Variants in XKR4 observed in about 807,000 individuals in gnomAD.
The protein encoded by XKR4 is XK related 4.
A neutral mutation model predicts 53.9 loss-of-function variants in XKR4; 12 were observed. The observed-to-expected ratio is 0.22, with a 90% CI of 0.14 to 0.36. The LOEUF is 0.36. Among genes scored for constraint, XKR4 ranks in the 10% least tolerant of loss-of-function variants. The probability of loss-of-function intolerance (pLI) is 1.00; values close to 1 mark genes in which losing one functional copy is unlikely to be tolerated. For missense variants in XKR4, 799 were observed against 859.5 expected (o/e 0.93, Z 0.88); for synonymous variants, 354 against 362.4 (o/e 0.98, Z 0.26).
intron 2 of XKR4, among the ~76,000 whole-genome samples, chr8:55,368,020 G>A (rs570938994): frequency 3.3e-5 from 5 of 152,224 alleles, no homozygotes; most frequent in African/African-American, 1.2e-4. Flanking sequence ...GAGTGCAGTG[G>A]CACAATCTCG....
At chr8:55,377,472 A>T (rs1428207475) in intron 2 of XKR4, among the ~76,000 whole-genome samples, 4 of 152,232 alleles carry the variant, frequency 2.6e-5, no homozygotes, top group Non-Finnish European at 4.4e-5. Context: ...AATCCACAGT[A>T]TCTACCTTAC....
chr8:55,478,540 C>T (rs1806041180), intron 2 of XKR4, among the ~76,000 whole-genome samples: 1 of 152,084 alleles, frequency 6.6e-6, no homozygotes, highest in Non-Finnish European at 1.5e-5. Context: ...ACCAACTCCA[C>T]ACATAACAAT....
intron 1 of XKR4, among the ~76,000 whole-genome samples, chr8:55,249,671 A>G (rs897045623): frequency 7.2e-5 from 11 of 152,224 alleles, no homozygotes; most frequent in African/African-American, 2.7e-4. Flanking sequence ...AGATGCACCA[A>G]AAAATATTCA....
intron 2 of XKR4, among the ~76,000 whole-genome samples, chr8:55,479,026 A>G (rs1470409663): frequency 6.6e-6 from 1 of 152,146 alleles, no homozygotes; most frequent in Non-Finnish European, 1.5e-5. Flanking sequence ...CCAGGAATTG[A>G]ACTCAGCTCT....
At chr8:55,509,373 A>G (rs1806589289) in intron 2 of XKR4, among the ~76,000 whole-genome samples, 1 of 152,092 alleles carries the variant, frequency 6.6e-6, no homozygotes, top group Non-Finnish European at 1.5e-5. Context: ...TTCCTTTTTC[A>G]TTTCCATCTT....
chr8:55,296,124 G>A (rs1181936924), intron 1 of XKR4, among the ~76,000 whole-genome samples: 1 of 152,062 alleles, frequency 6.6e-6, no homozygotes, highest in Non-Finnish European at 1.5e-5. Context: ...CTAACATCCT[G>A]GTCACACCTC....
chr8:55,108,976 T>G (rs534881504), intron 1 of XKR4, among the ~76,000 whole-genome samples: 1 of 152,104 alleles, frequency 6.6e-6, no homozygotes, highest in Non-Finnish European at 1.5e-5. Context: ...GATGATGAGG[T>G]AGAAGAGAAG....
At chr8:55,451,441 G>A in intron 2 of XKR4, 1 of 1,220,534 alleles carries the variant, frequency 8.2e-7, no homozygotes, top group Admixed American at 2.0e-5. Flanking sequence ...GCTGACAACA[G>A]CCTGCAGGTA....
chr8:55,273,655 T>G (rs1185407079), intron 1 of XKR4, among the ~76,000 whole-genome samples: 1 of 152,158 alleles, frequency 6.6e-6, no homozygotes. Context: ...ACCCTGGAAC[T>G]GACTGAGCAC....
At chr8:55,301,658 T>C (rs1819200811) in intron 1 of XKR4, among the ~76,000 whole-genome samples, 2 of 152,138 alleles carry the variant, frequency 1.3e-5, no homozygotes, top group Non-Finnish European at 1.5e-5. Flanking sequence ...CCAGCACCTG[T>C]TGTTTCCTGA....
At chr8:55,307,184 G>C (rs958943067) in intron 1 of XKR4, among the ~76,000 whole-genome samples, 3 of 152,188 alleles carry the variant, frequency 2.0e-5, no homozygotes, top group Non-Finnish European at 4.4e-5. Context: ...GGAAGACTCT[G>C]CTAAGGGGAT....
chr8:55,454,191 G>T, intron 2 of XKR4: 2 of 1,023,984 alleles, frequency 2.0e-6, no homozygotes, highest in Non-Finnish European at 3.1e-6. Context: ...CTCTGCAGTG[G>T]CTCTAGCAAG....
At chr8:55,419,808 G>A (rs1488881639) in intron 2 of XKR4, among the ~76,000 whole-genome samples, 1 of 152,192 alleles carries the variant, frequency 6.6e-6, no homozygotes, top group African/African-American at 2.4e-5. Flanking sequence ...TGCTTACTCG[G>A]GATACTTAAG....
At chr8:55,104,666 A>T (rs2129350315) in intron 1 of XKR4, among the ~76,000 whole-genome samples, 1 of 152,296 alleles carries the variant, frequency 6.6e-6, no homozygotes, top group South Asian at 2.1e-4. Flanking sequence ...GTGACCTTCC[A>T]GATTGTGAAA....
intron 2 of XKR4, among the ~76,000 whole-genome samples, chr8:55,442,506 C>G (rs989568473): frequency 2.6e-5 from 4 of 152,182 alleles, no homozygotes; most frequent in Non-Finnish European, 5.9e-5. Context: ...GAGATTTGAA[C>G]ACATACGTTT....
chr8:55,285,929 G>T (rs1186930662), intron 1 of XKR4, among the ~76,000 whole-genome samples: 1 of 152,180 alleles, frequency 6.6e-6, no homozygotes, highest in Non-Finnish European at 1.5e-5. Flanking sequence ...GCCTCATTCA[G>T]GACACTAAGA....
At chr8:55,154,222 A>C (rs1022669738) in intron 1 of XKR4, among the ~76,000 whole-genome samples, 1 of 152,136 alleles carries the variant, frequency 6.6e-6, no homozygotes, top group African/African-American at 2.4e-5. Context: ...ATTTCAGGGG[A>C]TGCTTTTATT....
chr8:55,123,356 T>C (rs1207482434), intron 1 of XKR4, among the ~76,000 whole-genome samples: 3 of 152,196 alleles, frequency 2.0e-5, no homozygotes, highest in African/African-American at 7.2e-5. Flanking sequence ...TCCACAGAAA[T>C]GAAAAGGCAT....
intron 2 of XKR4, among the ~76,000 whole-genome samples, chr8:55,522,353 G>A (rs1167510973): frequency 1.3e-5 from 2 of 152,198 alleles, no homozygotes; most frequent in Non-Finnish European, 2.9e-5. Context: ...ACAGGGAACG[G>A]ACATGTCTTC....
Sources: allele counts gnomAD v4.1 joint callset (sites outside exome capture counted in the v4.1 genomes callset), GRCh38; gene constraint gnomAD v4.1.1; transcripts MANE v1.5; gene names NCBI Gene and HGNC (gene_info 2026-07-23, HGNC 2026-07-21).